GNA11: variants seen among roughly 807,000 people sequenced by gnomAD.
GNA11 encodes the protein G protein subunit alpha 11.
A neutral mutation model predicts 38.2 loss-of-function variants in GNA11; 8 were observed. The ratio of observed to expected loss-of-function variants is 0.21; its 90% CI spans 0.12 to 0.38. The LOEUF (loss-of-function observed/expected upper bound fraction) is 0.38, where lower values mean the gene tolerates loss of function less well. Among genes scored for constraint, GNA11 ranks in the 10% least tolerant of loss-of-function variants. GNA11 has a pLI of 1.00. For missense variants in GNA11, 268 were observed against 516.3 expected, an observed-to-expected ratio of 0.52 and a Z score of 4.66; for synonymous variants, 211 against 221.4, an observed-to-expected ratio of 0.95 and a Z score of 0.42.
In GNA11 at chr19:3,121,407, G is replaced by A. The variant is rs1479828709; in HGVS notation, c.*228G>A. The A allele has an allele frequency of 1.4e-5, 5 of 363,150 alleles. No homozygotes were observed. The highest frequency in any genetic ancestry group is 4.0e-5 in the East Asian group (1 of 25,102). The allele number at this position is 363,150 out of a possible 1,614,324, so 22.5% of individuals were successfully genotyped here. A position where few individuals can be genotyped will look rare whatever the true frequency, so the allele number is the denominator to read the frequency against. On this transcript the variant is annotated 3_prime_UTR_variant, in exon 7 of 7. Coordinates refer to ENST00000078429, the MANE Select transcript of GNA11 (RefSeq NM_002067.5). Reference sequence around the variant, plus strand: ...GCGCACCTTCTCACCTTTTGTCAACGGCAAAGGCAGCCTTTTTCTGGCCTT... The same window carrying A: ...GCGCACCTTCTCACCTTTTGTCAACAGCAAAGGCAGCCTTTTTCTGGCCTT...
intron 1 of GNA11, among the ~76,000 whole-genome samples, chr19:3,097,483 T>C (rs1913401043): frequency 6.6e-6 from 1 of 152,182 alleles, no homozygotes; most frequent in Non-Finnish European, 1.5e-5. Flanking sequence ...GGTGCTGGTT[T>C]CTTCCAGGCT....
intron 1 of GNA11, among the ~76,000 whole-genome samples, chr19:3,104,377 G>A (rs187526414): frequency 6.6e-6 from 1 of 152,226 alleles, no homozygotes. Context: ...GGCGTGCTGA[G>A]TGTACCTGAG....
chr19:3,099,558 T>C (rs532020774), intron 1 of GNA11, among the ~76,000 whole-genome samples: 1 of 152,300 alleles, frequency 6.6e-6, no homozygotes, highest in Non-Finnish European at 1.5e-5. Flanking sequence ...CCTCCCACCA[T>C]GTCTGTCATC....
At chr19:3,099,862 C>T (rs1343426842) in intron 1 of GNA11, among the ~76,000 whole-genome samples, 4 of 152,148 alleles carry the variant, frequency 2.6e-5, no homozygotes, top group Non-Finnish European at 5.9e-5. Flanking sequence ...GGATCAGGTA[C>T]GTGGCCTGGG....
Position 3,110,786 on chromosome 19 carries a change from TTTTTGTTTTGTTTTG to T in GNA11, c.321+469_321+483del, listed in dbSNP as rs56122562. Reference sequence around the variant, plus strand: ...GTACTTCTCACCTTCTCACACTGTTTTTTTGTTTTGTTTTGTTTTGTTTTGTTTTGAAAACAGGGT... The same window carrying T: ...GTACTTCTCACCTTCTCACACTGTTTTTTTGTTTTGTTTTGAAAACAGGGT... On this transcript the variant is annotated intron_variant, in intron 2 of 6. Coordinates refer to ENST00000078429, the MANE Select transcript of GNA11 (RefSeq NM_002067.5). This position sits in a 1 kb window ranked among gnomAD's most constrained non-coding sequence, Gnocchi z 5.4. 1.3e-5 allele frequency among the ~76,000 whole-genome samples: 2 copies of T among 150,640 alleles called. No homozygotes were observed. Among genetic ancestry groups the T allele is most frequent in the African/African-American group, 2.4e-5 (1 of 41,080 alleles).
Position 3,110,055 on chromosome 19 carries a change from G to C in GNA11, c.137-94G>C. The C allele has an allele frequency of 1.0e-6, 1 of 995,220 alleles. No homozygotes were observed. Among genetic ancestry groups the C allele is most frequent in the Non-Finnish European group, 1.5e-6 (1 of 669,000 alleles). The allele number at this position is 995,220 out of a possible 1,614,324, so 61.6% of individuals were successfully genotyped here. A position where few individuals can be genotyped will look rare whatever the true frequency, so the allele number is the denominator to read the frequency against. On this transcript the variant is annotated intron_variant, in intron 1 of 6. Transcript: ENST00000078429. This position sits in a 1 kb window ranked among gnomAD's most constrained non-coding sequence, Gnocchi z 5.4. ...TCACGTGCCTTGGTTTCCTGTGCTGGGTGCTGCAGCACGGCAGGGTCTGGG... is the reference window on the plus strand; with the variant it reads ...TCACGTGCCTTGGTTTCCTGTGCTGCGTGCTGCAGCACGGCAGGGTCTGGG...
At chr19:3,107,716 G>T (rs1045231314) in intron 1 of GNA11, among the ~76,000 whole-genome samples, 1 of 152,184 alleles carries the variant, frequency 6.6e-6, no homozygotes, top group African/African-American at 2.4e-5. Flanking sequence ...TCACAATTCG[G>T]GGGGGTGCTC....
chr19:3,103,530 T>G (rs1913558569), intron 1 of GNA11, among the ~76,000 whole-genome samples: 2 of 120,594 alleles, frequency 1.7e-5, no homozygotes, highest in Non-Finnish European at 3.5e-5. Context: ...TTTTTTTTTT[T>G]TTTTTTTTTT....
chr19:3,104,701 G>C (rs927664398), intron 1 of GNA11, among the ~76,000 whole-genome samples: 5 of 152,186 alleles, frequency 3.3e-5, no homozygotes, highest in African/African-American at 1.2e-4. Flanking sequence ...ATAGGGGCTA[G>C]GGATGCAGGT....
rs370690074 is a variant in GNA11, at chr19:3,119,392, C to A, written c.889+33C>A. ...GGGCTGCGGCATGGGGAGGGGCTCG[C>A]GGGCAGGGCCTTACTGGGGGGAGGG... On this transcript the variant is annotated intron_variant, in intron 6 of 6. Coordinates refer to ENST00000078429, the MANE Select transcript of GNA11 (RefSeq NM_002067.5). This position sits in a 1 kb window ranked among gnomAD's most constrained non-coding sequence, Gnocchi z 4.6. The A allele has an allele frequency of 3.1e-6, 5 of 1,597,188 alleles. No homozygotes were observed. Among genetic ancestry groups the A allele is most frequent in the East Asian group, 4.5e-5 (2 of 44,690 alleles).
intron 1 of GNA11, among the ~76,000 whole-genome samples, chr19:3,105,579 T>C (rs2238626): frequency 0.88 from 133,466 of 152,034 alleles, 58,701 homozygotes; most frequent in African/African-American, 0.92. Flanking sequence ...AAGAGCTCCG[T>C]GGCGGAAGAA....
At chr19:3,113,179 G>A (rs1913818224) in intron 2 of GNA11, 151 bp from the exon 3 acceptor site, 3 of 689,250 alleles carry the variant, frequency 4.4e-6, no homozygotes, top group East Asian at 5.4e-5. Flanking sequence ...TTTCTGACAC[G>A]TGTTCACACG....
intron 1 of GNA11, among the ~76,000 whole-genome samples, chr19:3,109,513 G>T (rs1281044623): frequency 2.0e-5 from 3 of 152,234 alleles, no homozygotes; most frequent in Non-Finnish European, 4.4e-5. Flanking sequence ...ACGTAAAGGG[G>T]TTCAGGGATG....
Position 3,101,409 on chromosome 19 carries a change from A to G in GNA11, c.136+6622A>G, listed in dbSNP as rs1309897522. Reference sequence around the variant, plus strand: ...ACGCTGTGGGATGAATGCAGCCCCCAGGGACTGTGGGGCCGGGTCCACGCT... The same window carrying G: ...ACGCTGTGGGATGAATGCAGCCCCCGGGGACTGTGGGGCCGGGTCCACGCT... On this transcript the variant is annotated intron_variant, in intron 1 of 6. Coordinates refer to ENST00000078429, the MANE Select transcript of GNA11 (RefSeq NM_002067.5). Among the ~76,000 whole-genome samples the G allele has an allele frequency of 2.0e-5, 3 of 151,934 alleles. No individual in the cohort carries two copies. The South Asian group carries it at 6.2e-4, about 31-fold the overall frequency.
At chr19:3,103,738 C>G (rs1913565590) in intron 1 of GNA11, among the ~76,000 whole-genome samples, 2 of 150,182 alleles carry the variant, frequency 1.3e-5, no homozygotes, top group Non-Finnish European at 3.0e-5. Flanking sequence ...GAGTCTTGCT[C>G]TGTCGCCTAG....
rs907955878 is a variant in GNA11, at chr19:3,121,996, G to T, written c.*817G>T. 4.3e-6 allele frequency: 1 copy of T among 233,306 alleles called. No homozygotes were observed. 14.5% of individuals were successfully genotyped at this position (233,306 alleles called of 1,614,324 possible). A position where few individuals can be genotyped will look rare whatever the true frequency, so the allele number is the denominator to read the frequency against. ...GGGGGCTTCTCTGGGCTGTGCCTCCGGGGCCAACACTGGCTGCTTGGGGCT... is the reference window on the plus strand; with the variant it reads ...GGGGGCTTCTCTGGGCTGTGCCTCCTGGGCCAACACTGGCTGCTTGGGGCT... On this transcript the variant is annotated 3_prime_UTR_variant, in exon 7 of 7. Coordinates refer to ENST00000078429, the MANE Select transcript of GNA11 (RefSeq NM_002067.5).
In GNA11 at chr19:3,118,996, C is replaced by A. The variant is rs371149978; in HGVS notation, c.678C>A (p.Ile226=). The A allele has an allele frequency of 2.5e-6, 4 of 1,613,518 alleles. No homozygotes were observed. Among genetic ancestry groups the A allele is most frequent in the Non-Finnish European group, 3.4e-6 (4 of 1,179,588 alleles). The change falls in exon 5 of 7, where the codon ATC becomes ATA. Residue 226 remains isoleucine, a synonymous_variant. Coordinates refer to ENST00000078429, the MANE Select transcript of GNA11 (RefSeq NM_002067.5). The part of the protein sequence containing the change: ...WIHCFENVTS[I]MFLVALSEYD... ...ACTGCTTTGAGAACGTGACATCCAT[C>A]ATGTTTCTCGTCGCCCTCAGCGAAT...
At chr19:3,101,415 T>C (rs1913504267) in intron 1 of GNA11, among the ~76,000 whole-genome samples, 1 of 151,956 alleles carries the variant, frequency 6.6e-6, no homozygotes, top group Non-Finnish European at 1.5e-5. Context: ...CCCCAGGGAC[T>C]GTGGGGCCGG....
rs556861451 is a variant in GNA11 at position 3,109,569 on chromosome 19, G to A, written c.137-580G>A. Among the ~76,000 whole-genome samples, 11 of 152,344 alleles carry A rather than the reference G, an allele frequency of 7.2e-5. No individual in the cohort carries two copies. In the Middle Eastern group the frequency reaches 0.014, roughly 188 times the overall value. On this transcript the variant is annotated intron_variant, in intron 1 of 6. Coordinates refer to ENST00000078429, the MANE Select transcript of GNA11 (RefSeq NM_002067.5). ...AGGCACAACGGTCCTGGCTGACCCC[G>A]CCACAGCACCAAGAGGGAGAGGGGA...
Sources: gnomAD v4.1 joint callset for allele counts (sites outside exome capture counted in the v4.1 genomes callset) on GRCh38, gnomAD v4.1.1 for gene constraint, Gnocchi (gnomAD v3.1) non-coding constraint, MANE v1.5 for transcripts, NCBI Gene and HGNC (gene_info 2026-07-23, HGNC 2026-07-21) for gene names.